PCDHA12: variants seen among roughly 807,000 people sequenced by gnomAD.
The protein encoded by PCDHA12 is protocadherin alpha-12.
Under a neutral mutation model 60.0 loss-of-function variants are expected in PCDHA12, and 44 were observed. The ratio of observed to expected loss-of-function variants is 0.73; its 90% CI spans 0.58 to 0.94. The LOEUF is 0.94. Ranked by LOEUF, PCDHA12 falls within the 40% of genes least tolerant of loss-of-function variation. The pLI, the probability that PCDHA12 is intolerant of heterozygous loss-of-function variation, is 0.00. For synonymous variants in PCDHA12, 569 were observed against 553.0 expected, an observed-to-expected ratio of 1.03 and a Z score of -0.40; for missense variants, 1,276 against 1,239.7, an observed-to-expected ratio of 1.03 and a Z score of -0.44.
At chr5:140,953,218 C>T (rs575250415) in intron 1 of PCDHA12, among the ~76,000 whole-genome samples, 2 of 152,272 alleles carry the variant, frequency 1.3e-5, no homozygotes, top group East Asian at 3.9e-4. Flanking sequence ...ATCTTTCTTG[C>T]TTCTGCTTGG....
chr5:140,929,070 G>A lies in PCDHA12; in HGVS notation c.2368-49879G>A, dbSNP rs2085795989. 2.5e-6 allele frequency: 4 copies of A among 1,614,200 alleles called. No homozygotes were observed. The African/African-American group carries it at 5.3e-5, about 22-fold the overall frequency. ...GCTGTCGCTCTACAGAGGATCTGAG[G>A]TATGGAAGTAAGATGGTTTCAAATC... On this transcript the variant is annotated intron_variant, in intron 1 of 3. Coordinates refer to ENST00000398631, the MANE Select transcript of PCDHA12 (RefSeq NM_018903.4).
At chr5:140,917,653 G>A (rs1400141765) in intron 1 of PCDHA12, among the ~76,000 whole-genome samples, 1 of 152,160 alleles carries the variant, frequency 6.6e-6, no homozygotes, top group Non-Finnish European at 1.5e-5. Flanking sequence ...GCAATATTGA[G>A]TAGGAAGTCC....
At chr5:140,952,750 A>T (rs1240610789) in intron 1 of PCDHA12, among the ~76,000 whole-genome samples, 2 of 152,326 alleles carry the variant, frequency 1.3e-5, no homozygotes, top group Non-Finnish European at 2.9e-5. Context: ...CTGCTATAAA[A>T]ACACCTGAGA....
rs1162515573 is a variant in PCDHA12, at chr5:140,941,250, T to C, written c.2368-37699T>C. 3.6e-5 allele frequency among the ~76,000 whole-genome samples: 5 copies of C among 139,366 alleles called. No homozygotes were observed. In the East Asian group the frequency reaches 1.0e-3, roughly 29 times the overall value. 91.4% of individuals were successfully genotyped at this position (139,366 alleles called of 152,430 possible). A position where few individuals can be genotyped will look rare whatever the true frequency, so the allele number is the denominator to read the frequency against. ...TTCTTTCTTTCTTTCTTTCTTTCTT[T>C]CTTTCTCTTTCTTTCTTTCTTTCCT... is the stretch of plus-strand genomic sequence containing the variant. On this transcript the variant is annotated intron_variant, in intron 1 of 3. Coordinates refer to ENST00000398631, the MANE Select transcript of PCDHA12 (RefSeq NM_018903.4).
intron 1 of PCDHA12, among the ~76,000 whole-genome samples, chr5:140,924,530 C>T (rs1263885513): frequency 6.6e-6 from 1 of 152,002 alleles, no homozygotes; most frequent in Non-Finnish European, 1.5e-5. Context: ...AGAGAATGCC[C>T]GAGCTACCCC....
At chr5:140,906,796 T>C (rs1021322398) in intron 1 of PCDHA12, among the ~76,000 whole-genome samples, 1 of 152,236 alleles carries the variant, frequency 6.6e-6, no homozygotes, top group African/African-American at 2.4e-5. Context: ...ATTCCATGCA[T>C]ACTCTTCCTT....
chr5:141,003,167 C>T (rs1160809977), intron 3 of PCDHA12, among the ~76,000 whole-genome samples: 1 of 152,180 alleles, frequency 6.6e-6, no homozygotes, highest in Non-Finnish European at 1.5e-5. Context: ...AATCCTAGTC[C>T]CTGAGGCTCA....
intron 1 of PCDHA12, chr5:140,883,703 G>C: frequency 6.2e-7 from 1 of 1,613,802 alleles, no homozygotes; most frequent in Non-Finnish European, 8.5e-7. Context: ...CACGGTGTCT[G>C]CTCAGGACGC....
At chr5:140,911,785 T>C (rs1334155529) in intron 1 of PCDHA12, among the ~76,000 whole-genome samples, 1 of 152,180 alleles carries the variant, frequency 6.6e-6, no homozygotes, top group Non-Finnish European at 1.5e-5. Context: ...CTTAGCATTT[T>C]TGGGTCTAAT....
chr5:140,928,834 T>G, intron 1 of PCDHA12: 3 of 1,614,178 alleles, frequency 1.9e-6, no homozygotes, highest in Non-Finnish European at 2.5e-6. Flanking sequence ...ACCACTTTCC[T>G]CCTCTGTCAC....
rs782706242 is a variant in PCDHA12 at position 140,876,169 on chromosome 5, C to T, written c.697C>T (p.Leu233=). The change falls in exon 1 of 4, where the codon CTG becomes TTG. Residue 233 remains leucine (L), a synonymous_variant. Transcript: ENST00000398631. ...TGSVQIQITV[L]DVNDNGPAFD... ...GTCTGTCCAGATTCAAATAACCGTC[C>T]TGGATGTGAATGACAATGGTCCGGC... 5 of 1,613,798 alleles carry T rather than the reference C, an allele frequency of 3.1e-6. No homozygotes were observed. The highest frequency in any genetic ancestry group is 4.2e-6 in the Non-Finnish European group (5 of 1,179,892).
intron 3 of PCDHA12, among the ~76,000 whole-genome samples, chr5:140,995,400 C>T (rs2097681723): frequency 6.6e-6 from 1 of 152,062 alleles, no homozygotes; most frequent in Admixed American, 6.6e-5. Flanking sequence ...CGGGATGGCT[C>T]GAGATTTCAT....
intron 3 of PCDHA12, among the ~76,000 whole-genome samples, chr5:140,986,982 G>A (rs782173410): frequency 3.9e-5 from 6 of 152,164 alleles, no homozygotes; most frequent in Non-Finnish European, 8.8e-5. Context: ...GGGAGGCCAA[G>A]GCAGGCAGAT....
intron 3 of PCDHA12, among the ~76,000 whole-genome samples, chr5:141,005,701 CAAAAAAAAAAAAAAAAAA>C (rs59860837): frequency 2.6e-4 from 2 of 7,786 alleles, no homozygotes; most frequent in Non-Finnish European, 5.4e-4. Flanking sequence ...AACTCCGTCT[CAAAAAAAAAAAAAAAAAA>C]AAAAAAAAAA....
intron 1 of PCDHA12, among the ~76,000 whole-genome samples, chr5:140,953,068 C>A (rs1243228817): frequency 6.6e-6 from 1 of 152,198 alleles, no homozygotes; most frequent in East Asian, 1.9e-4. Context: ...CAGGCCCCAT[C>A]TCCAACATTG....
intron 1 of PCDHA12, chr5:140,966,863 C>G: frequency 6.4e-7 from 1 of 1,562,680 alleles, no homozygotes; most frequent in Non-Finnish European, 8.6e-7. Flanking sequence ...GCTGCTGTTG[C>G]TGCTGCTGCT....
Position 140,967,394 on chromosome 5 carries a change from G to C in PCDHA12, c.2368-11555G>C, listed in dbSNP as rs1379450273. On this transcript the variant is annotated intron_variant, in intron 1 of 3. Coordinates refer to ENST00000398631, the MANE Select transcript of PCDHA12 (RefSeq NM_018903.4). ...GGAGAACAGTAAAGTGCTTGAGCTGGTGCTGCGTAAGGGCCTAGACCGGGA... is the reference window on the plus strand; with the variant it reads ...GGAGAACAGTAAAGTGCTTGAGCTGCTGCTGCGTAAGGGCCTAGACCGGGA... 4 of 1,609,940 alleles carry C rather than the reference G, an allele frequency of 2.5e-6. No homozygotes were observed. In the African/African-American group the frequency reaches 4.0e-5, roughly 16 times the overall value.
Position 140,978,986 on chromosome 5 carries a change from C to A in PCDHA12, c.2405C>A (p.Ser802Tyr). The change falls in exon 2 of 4, where the codon TCC becomes TAC. Residue 802 changes from serine (S) to tyrosine (Y), a missense_variant. Ser to Tyr is a moderately radical substitution (Grantham distance 144). Coordinates refer to ENST00000398631, the MANE Select transcript of PCDHA12 (RefSeq NM_018903.4). ...AACCCTGACTGGCGTTACTCTGCCT[C>A]CCTGAGAGCAGGCATGCACAGGTAT... ...QPNPDWRYSA[S>Y]LRAGMHSSVH... is the part of the protein sequence containing the mutation. The A allele has an allele frequency of 6.2e-7, 1 of 1,614,190 alleles. No homozygotes were observed. The highest frequency in any genetic ancestry group is 1.7e-5 in the Admixed American group (1 of 60,026).
At position 140,875,942 on chromosome 5, in the gene PCDHA12, C is replaced by T; in HGVS notation, c.470C>T (p.Ala157Val). The change falls in exon 1 of 4, where the codon GCT (alanine) becomes GTT (valine). Residue 157 changes from alanine (A) to valine (V), a missense_variant. Ala to Val is a moderately conservative substitution (Grantham distance 64). Coordinates refer to ENST00000398631, the MANE Select transcript of PCDHA12 (RefSeq NM_018903.4). ...PLDSHFPLEG[A>V]SDADIGVNSL... ...GACTCTCATTTTCCTCTAGAGGGCG[C>T]TTCTGATGCGGATATCGGCGTAAAC... 2 of 1,614,190 alleles carry T rather than the reference C, an allele frequency of 1.2e-6. No individual in the cohort carries two copies. Among genetic ancestry groups the T allele is most frequent in the Non-Finnish European group, 1.7e-6 (2 of 1,180,038 alleles).
Sources: allele counts gnomAD v4.1 joint callset (sites outside exome capture counted in the v4.1 genomes callset), GRCh38; gene constraint gnomAD v4.1.1; transcripts MANE v1.5; gene names NCBI Gene and HGNC (gene_info 2026-07-23, HGNC 2026-07-21).